Variants in ITGA8 observed in about 807,000 individuals in gnomAD.
ITGA8 encodes the protein integrin subunit alpha 8, also known as integrin alpha-8.
Under a neutral mutation model 142.3 loss-of-function variants are expected in ITGA8, and 91 were observed. That is an observed-to-expected ratio of 0.64 (90% CI 0.54 to 0.76). ITGA8 has a LOEUF of 0.76. ITGA8 is among the 30% of genes least tolerant of loss of function. The pLI is 0.00. For synonymous variants in ITGA8, 505 were observed against 485.2 expected (o/e 1.04, Z -0.54); for missense variants, 1,406 against 1,327.7 (o/e 1.06, Z -0.92).
At chr10:15,610,688 A>G (rs558044948) in intron 15 of ITGA8, among the ~76,000 whole-genome samples, 219 of 152,330 alleles carry the variant, frequency 1.4e-3, no homozygotes, top group Non-Finnish European at 2.6e-3. Flanking sequence ...ACAGCTGTCT[A>G]TGATGAAGAG....
At chr10:15,651,227 C>T (rs1834079568) in intron 11 of ITGA8, among the ~76,000 whole-genome samples, 1 of 151,922 alleles carries the variant, frequency 6.6e-6, no homozygotes, top group Non-Finnish European at 1.5e-5. Context: ...TGTTTAGGCA[C>T]GAGATGAAAA....
rs368481166 is a variant in ITGA8 at position 15,671,658 on chromosome 10, G to T, written c.803-11C>A. 2.9e-5 allele frequency: 46 copies of T among 1,603,716 alleles called. No individual in the cohort carries two copies. In the African/African-American group the frequency reaches 5.6e-4, roughly 20 times the overall value. Reference sequence around the variant, plus strand: ...CAGCAACTGAGTATCCTGTTTTAAAGAAAAAGAAACAAACTAATCACACTT... The same window carrying T: ...CAGCAACTGAGTATCCTGTTTTAAATAAAAAGAAACAAACTAATCACACTT... On this transcript the variant is annotated splice_polypyrimidine_tract_variant and intron_variant, in intron 7 of 29. Transcript: ENST00000378076.
chr10:15,606,681 C>A (rs1462045847), intron 17 of ITGA8, among the ~76,000 whole-genome samples: 1 of 152,134 alleles, frequency 6.6e-6, no homozygotes, highest in Non-Finnish European at 1.5e-5. Flanking sequence ...GTTCTCCAGA[C>A]CTTCAACAAC....
intron 13 of ITGA8, among the ~76,000 whole-genome samples, chr10:15,631,556 G>A (rs1833685727): frequency 6.6e-6 from 1 of 151,766 alleles, no homozygotes; most frequent in South Asian, 2.1e-4. Flanking sequence ...TCACATACCG[G>A]GTCCTGTTGA....
At chr10:15,544,735 T>C (rs1419132876) in intron 27 of ITGA8, among the ~76,000 whole-genome samples, 5 of 152,236 alleles carry the variant, frequency 3.3e-5, no homozygotes, top group Admixed American at 3.3e-4. Context: ...CCTCGCCTAC[T>C]GAATGAATAT....
intron 13 of ITGA8, among the ~76,000 whole-genome samples, chr10:15,621,564 C>T (rs893390540): frequency 2.6e-5 from 4 of 152,012 alleles, no homozygotes; most frequent in African/African-American, 9.7e-5. Context: ...GGAAGAAGTT[C>T]TATTTGAAAA....
rs150161422 is a variant in ITGA8, at chr10:15,607,466, A to G, written c.1764+211T>C. ...AAAGATTTTGATCAAAATGAAAAGA[A>G]GCCTTAGAAATTAATAGCAACACAT... On this transcript the variant is annotated intron_variant, in intron 17 of 29. Coordinates refer to ENST00000378076, the MANE Select transcript of ITGA8 (RefSeq NM_003638.3). 4.2e-3 allele frequency among the ~76,000 whole-genome samples: 646 copies of G among 152,348 alleles called. 4 individuals are homozygous for G. The highest frequency in any genetic ancestry group is 6.4e-3 in the Non-Finnish European group (434 of 68,040).
At chr10:15,677,477 A>G (rs1432281257) in intron 6 of ITGA8, 115 bp downstream of exon 6, 3 of 776,576 alleles carry the variant, frequency 3.9e-6, no homozygotes, top group Non-Finnish European at 6.2e-6. Context: ...TTGAGAAACT[A>G]TGAATAAGGA....
At chr10:15,685,680 C>T (rs889063646) in intron 3 of ITGA8, among the ~76,000 whole-genome samples, 1 of 152,158 alleles carries the variant, frequency 6.6e-6, no homozygotes, top group African/African-American at 2.4e-5. Context: ...ATAAGACATA[C>T]TTTATGTCAT....
At chr10:15,561,740 G>T (rs1018151028) in intron 25 of ITGA8, among the ~76,000 whole-genome samples, 1 of 152,186 alleles carries the variant, frequency 6.6e-6, no homozygotes, top group Non-Finnish European at 1.5e-5. Context: ...AAGCAATTGA[G>T]GATGGAAGAG....
chr10:15,544,809 C>T (rs1833638818), intron 27 of ITGA8, among the ~76,000 whole-genome samples: 1 of 152,100 alleles, frequency 6.6e-6, no homozygotes, highest in Admixed American at 6.6e-5. Context: ...TAGGCTAGGT[C>T]AGAAAATATG....
Position 15,684,657 on chromosome 10 carries a change from G to C in ITGA8, c.445-530C>G, listed in dbSNP as rs1834802824. 2.0e-5 allele frequency among the ~76,000 whole-genome samples: 3 copies of C among 150,910 alleles called. No individual in the cohort carries two copies. In the Admixed American group the frequency reaches 2.0e-4, roughly 10 times the overall value. On this transcript the variant is annotated intron_variant, in intron 3 of 29. Coordinates refer to ENST00000378076, the MANE Select transcript of ITGA8 (RefSeq NM_003638.3). ...TCAAGTGCTGGAAATATAGGGAAGAGCCACAGCACCTAGGCCCCATAGAAA... is the reference window on the plus strand; with the variant it reads ...TCAAGTGCTGGAAATATAGGGAAGACCCACAGCACCTAGGCCCCATAGAAA...
At chr10:15,638,205 C>T (rs1189737325) in intron 13 of ITGA8, among the ~76,000 whole-genome samples, 1 of 152,120 alleles carries the variant, frequency 6.6e-6, no homozygotes, top group Non-Finnish European at 1.5e-5. Flanking sequence ...ATAAACCAAA[C>T]CACCTCTTAT....
chr10:15,636,719 C>A (rs190139917), intron 13 of ITGA8, among the ~76,000 whole-genome samples: 71 of 152,276 alleles, frequency 4.7e-4, no homozygotes, highest in African/African-American at 1.6e-3. Flanking sequence ...GTGTTAGTTC[C>A]TTCCTTTCAA....
In ITGA8 at chr10:15,646,976, T is replaced by A; in HGVS notation, c.1077A>T (p.Gln359His). Residue 359 changes from glutamine to histidine, a missense_variant, in exon 12 of 30, where the codon CAA becomes CAT. Coordinates refer to ENST00000378076, the MANE Select transcript of ITGA8 (RefSeq NM_003638.3). The stretch of plus-strand genomic sequence containing the variant: ...AGCTCACTTGCAAATACAGGTAGAT[T>A]TGCCCTACTTCTCTGGGGTTGCTCT... ...EFESNPREVG[Q>H]IYLYLQVSSL... is the part of the protein sequence containing the mutation. 6.2e-7 allele frequency: 1 copy of A among 1,614,102 alleles called. No individual in the cohort carries two copies. The highest frequency in any genetic ancestry group is 8.5e-7 in the Non-Finnish European group (1 of 1,180,014).
chr10:15,668,682 G>A (rs1834446426), intron 8 of ITGA8, among the ~76,000 whole-genome samples: 1 of 152,014 alleles, frequency 6.6e-6, no homozygotes, highest in Non-Finnish European at 1.5e-5. Flanking sequence ...CATGTTTAGT[G>A]CTTCCTTCAG....
At chr10:15,703,065 T>A (rs1835194857) in intron 2 of ITGA8, among the ~76,000 whole-genome samples, 1 of 152,206 alleles carries the variant, frequency 6.6e-6, no homozygotes. Context: ...ATATCGCTAT[T>A]TAAATATTAA....
In ITGA8 at chr10:15,698,254, G is replaced by A. The variant is rs575094070; in HGVS notation, c.344-10216C>T. Among the ~76,000 whole-genome samples, 3 of 152,214 alleles carry A rather than the reference G, an allele frequency of 2.0e-5. No individual in the cohort carries two copies. In the South Asian group the frequency reaches 6.2e-4, roughly 32 times the overall value. On this transcript the variant is annotated intron_variant, in intron 2 of 29. Transcript: ENST00000378076. ...TGCCATTATTTCATTCATTTTTATG[G>A]CTGAGTAGTATTCCGTGGTGTATAA...
intron 26 of ITGA8, among the ~76,000 whole-genome samples, chr10:15,555,660 C>A (rs1186740623): frequency 1.3e-5 from 2 of 151,754 alleles, no homozygotes; most frequent in East Asian, 1.9e-4. Context: ...ACTCTAGCAC[C>A]CTCCTTGGTT....
Sources: allele counts gnomAD v4.1 joint callset (sites outside exome capture counted in the v4.1 genomes callset), GRCh38; gene constraint gnomAD v4.1.1; transcripts MANE v1.5; gene names NCBI Gene and HGNC (gene_info 2026-07-23, HGNC 2026-07-21).